DLC1: variants seen among roughly 807,000 people sequenced by gnomAD.
DLC1 encodes DLC1 Rho GTPase activating protein, also known as rho GTPase-activating protein 7.
A neutral mutation model predicts 140.3 loss-of-function variants in DLC1; 54 were observed. That is an observed-to-expected ratio of 0.38 (90% CI 0.31 to 0.48). The LOEUF is 0.48. DLC1 is among the 20% of genes least tolerant of loss of function. The pLI is 0.96. For synonymous variants in DLC1, 986 were observed against 728.1 expected (o/e 1.35, Z -5.70); for missense variants, 2,536 against 1,907.0 (o/e 1.33, Z -6.14).
intron 2 of DLC1, among the ~76,000 whole-genome samples, chr8:13,447,454 A>G (rs1050018814): frequency 5.3e-5 from 8 of 152,310 alleles, no homozygotes; most frequent in Admixed American, 3.9e-4. Flanking sequence ...ACATTATCAA[A>G]TATTTTATTG....
chr8:13,399,929 A>T (rs1405090008), intron 3 of DLC1, among the ~76,000 whole-genome samples: 2 of 151,996 alleles, frequency 1.3e-5, no homozygotes, highest in Non-Finnish European at 2.9e-5. Context: ...AAGTATGAGG[A>T]TGGGGCAGAG....
chr8:13,488,329 C>A (rs1801063265), intron 2 of DLC1, among the ~76,000 whole-genome samples: 1 of 152,150 alleles, frequency 6.6e-6, no homozygotes, highest in Non-Finnish European at 1.5e-5. Flanking sequence ...CCACAATTTT[C>A]ATTTAGCTTT....
intron 1 of DLC1, chr8:13,584,024 T>C (rs979428951): frequency 1.3e-5 from 2 of 152,430 alleles, no homozygotes; most frequent in African/African-American, 4.8e-5. Flanking sequence ...TCTGTCTGTA[T>C]GTTCTGTTGA....
At position 13,110,798 on chromosome 8, in the gene DLC1, G is replaced by C. The variant is rs1469778488; in HGVS notation, c.1446C>G (p.Ser482=). 3.7e-6 allele frequency: 6 copies of C among 1,613,878 alleles called. No homozygotes were observed. In the African/African-American group the frequency reaches 6.7e-5, roughly 18 times the overall value. The change falls in exon 7 of 18, where the codon TCC becomes TCG. Residue 482 remains serine, a synonymous_variant. Coordinates refer to ENST00000276297, the MANE Select transcript of DLC1 (RefSeq NM_182643.3). ...YEDFLFPIDI[S]LVKREHDFLD... is the part of the protein sequence containing the mutation. ...AAAAATCATGCTCTCTCTTGACCAA[G>C]GAAATATCGATGGGGAACAGGAAAT...
intron 7 of DLC1, among the ~76,000 whole-genome samples, chr8:13,103,080 G>T (rs1819234068): frequency 1.3e-5 from 2 of 152,124 alleles, no homozygotes; most frequent in Admixed American, 1.3e-4. Flanking sequence ...GGAGGCCTAG[G>T]CGGGTGGATC....
intron 1 of DLC1, among the ~76,000 whole-genome samples, chr8:13,586,047 T>A (rs1805296265): frequency 6.6e-6 from 1 of 152,136 alleles, no homozygotes; most frequent in Admixed American, 6.6e-5. Flanking sequence ...CAACCATGGC[T>A]GCACATTATA....
chr8:13,555,672 T>G (rs904017290), intron 1 of DLC1, among the ~76,000 whole-genome samples: 3 of 151,730 alleles, frequency 2.0e-5, no homozygotes, highest in Admixed American at 6.6e-5. Flanking sequence ...TTTTTTTTTT[T>G]TGTATTTTTA....
chr8:13,336,653 C>A (rs951252392), intron 4 of DLC1, among the ~76,000 whole-genome samples: 2 of 152,160 alleles, frequency 1.3e-5, no homozygotes, highest in Admixed American at 1.3e-4. Context: ...CTGTCATGTA[C>A]TAGCTACATG....
At chr8:13,551,278 T>C (rs1803840288) in intron 1 of DLC1, among the ~76,000 whole-genome samples, 1 of 152,142 alleles carries the variant, frequency 6.6e-6, no homozygotes, top group Admixed American at 6.6e-5. Context: ...TGCATTGTTC[T>C]AAATCACAGT....
At chr8:13,435,433 C>A (rs1224959607) in intron 2 of DLC1, among the ~76,000 whole-genome samples, 1 of 152,214 alleles carries the variant, frequency 6.6e-6, no homozygotes, top group Admixed American at 6.5e-5. Flanking sequence ...CCTGCCTCAG[C>A]CTCCCGAGTA....
chr8:13,513,504 T>C (rs1391310094), intron 1 of DLC1, among the ~76,000 whole-genome samples: 1 of 152,104 alleles, frequency 6.6e-6, no homozygotes, highest in Non-Finnish European at 1.5e-5. Flanking sequence ...TTTCTTATGA[T>C]CCAACTGTCA....
intron 4 of DLC1, among the ~76,000 whole-genome samples, chr8:13,390,996 G>GGAAAAAA (rs1554510891): frequency 4.2e-5 from 6 of 141,264 alleles, no homozygotes; most frequent in Non-Finnish European, 9.1e-5. Context: ...AAAAAAAAAA[G>GGAAAAAA]AAAAAAAAAA....
At chr8:13,511,200 A>G (rs981436924) in intron 1 of DLC1, among the ~76,000 whole-genome samples, 1 of 152,226 alleles carries the variant, frequency 6.6e-6, no homozygotes, top group East Asian at 1.9e-4. Flanking sequence ...TTGCATTGCT[A>G]AAACACTTTG....
chr8:13,102,638 G>T, intron 8 of DLC1, 152 bp downstream of exon 8: 3 of 696,418 alleles, frequency 4.3e-6, no homozygotes, highest in East Asian at 5.0e-5. Context: ...ACTACATAAG[G>T]CTATCAAGTC....
intron 5 of DLC1, among the ~76,000 whole-genome samples, chr8:13,162,182 TAAG>T (rs1436733417): frequency 1.3e-5 from 2 of 152,076 alleles, no homozygotes; most frequent in Admixed American, 1.3e-4. Flanking sequence ...AAGAGAAACA[TAAG>T]AGGAGATCAG....
At chr8:13,393,768 T>C (rs937647869) in intron 3 of DLC1, 75 bp from the exon 4 acceptor site, 1 of 1,528,964 alleles carries the variant, frequency 6.5e-7, no homozygotes, top group African/African-American at 1.4e-5. Context: ...CCACCAGAAC[T>C]TTGTCACTTC....
upstream of DLC1, among the ~76,000 whole-genome samples, chr8:13,517,371 T>G (rs748007312): frequency 6.6e-6 from 1 of 152,228 alleles, no homozygotes; most frequent in Non-Finnish European, 1.5e-5. Flanking sequence ...TTTAGATATC[T>G]AGAAACTCTT....
At chr8:13,128,434 T>C (rs1403042638) in intron 5 of DLC1, among the ~76,000 whole-genome samples, 2 of 152,140 alleles carry the variant, frequency 1.3e-5, no homozygotes, top group African/African-American at 4.8e-5. Context: ...ACATTACAGC[T>C]GCCTACCTAC....
intron 5 of DLC1, among the ~76,000 whole-genome samples, chr8:13,166,448 C>T (rs1825115751): frequency 6.6e-6 from 1 of 152,148 alleles, no homozygotes; most frequent in Non-Finnish European, 1.5e-5. Flanking sequence ...TCAAGCTATT[C>T]TCCTGCCTCA....
Sources: gnomAD v4.1 joint callset for allele counts (sites outside exome capture counted in the v4.1 genomes callset) on GRCh38, gnomAD v4.1.1 for gene constraint, MANE v1.5 for transcripts, NCBI Gene and HGNC (gene_info 2026-07-23, HGNC 2026-07-21) for gene names.